Variants in TMEM163 observed in about 807,000 individuals in gnomAD.
TMEM163 encodes the protein transmembrane protein 163.
In TMEM163, 17 loss-of-function variants were observed where a neutral mutation model predicts 29.3. The observed-to-expected ratio is 0.58, with a 90% CI of 0.40 to 0.87. TMEM163 has a LOEUF of 0.87. Ranked by LOEUF, TMEM163 falls within the 40% of genes least tolerant of loss-of-function variation. The probability of loss-of-function intolerance (pLI) is 0.00; values close to 1 mark genes in which losing one functional copy is unlikely to be tolerated. For synonymous variants in TMEM163, 157 were observed against 160.6 expected, an observed-to-expected ratio of 0.98 and a Z score of 0.17; for missense variants, 303 against 381.5, an observed-to-expected ratio of 0.79 and a Z score of 1.71.
chr2:134,661,418 G>A (rs1223178342), intron 2 of TMEM163, among the ~76,000 whole-genome samples: 1 of 152,180 alleles, frequency 6.6e-6, no homozygotes, highest in Non-Finnish European at 1.5e-5. Flanking sequence ...ATTTGCAGGA[G>A]AACTTATATC....
At chr2:134,499,844 T>C (rs1024267936) in intron 5 of TMEM163, among the ~76,000 whole-genome samples, 1 of 152,132 alleles carries the variant, frequency 6.6e-6, no homozygotes, top group African/African-American at 2.4e-5. Flanking sequence ...CCCTAAACAC[T>C]GGTCTCCCTG....
intron 2 of TMEM163, among the ~76,000 whole-genome samples, chr2:134,570,467 TATATATACATATACATATACATATAC>T (rs1681394716): frequency 7.2e-6 from 1 of 139,592 alleles, no homozygotes; most frequent in Non-Finnish European, 1.5e-5. Flanking sequence ...CTACTACATA[TATATATACATATACATATACATATAC>T]ATATACATAT....
chr2:134,684,795 C>T (rs1209073789), intron 2 of TMEM163, among the ~76,000 whole-genome samples: 4 of 151,830 alleles, frequency 2.6e-5, no homozygotes, highest in African/African-American at 9.7e-5. Context: ...TGGTGGTGGG[C>T]ACCTGTAGTC....
intron 4 of TMEM163, among the ~76,000 whole-genome samples, chr2:134,547,938 C>T (rs1480772043): frequency 1.3e-5 from 2 of 152,292 alleles, no homozygotes; most frequent in South Asian, 2.1e-4. Context: ...CAGATCCCAA[C>T]GCTATAGAAA....
intron 2 of TMEM163, among the ~76,000 whole-genome samples, chr2:134,678,374 G>A (rs1558988962): frequency 1.3e-5 from 2 of 152,334 alleles, no homozygotes; most frequent in East Asian, 1.9e-4. Flanking sequence ...GTGGAAACAC[G>A]TGAATCTGTT....
intron 5 of TMEM163, among the ~76,000 whole-genome samples, chr2:134,481,260 C>A (rs1679167773): frequency 6.6e-6 from 1 of 152,080 alleles, no homozygotes; most frequent in Non-Finnish European, 1.5e-5. Context: ...CTAAATGCTT[C>A]CCATCGACAC....
chr2:134,633,236 T>C (rs1299341996), intron 2 of TMEM163, among the ~76,000 whole-genome samples: 1 of 152,146 alleles, frequency 6.6e-6, no homozygotes, highest in Non-Finnish European at 1.5e-5. Flanking sequence ...GAGGCTATTA[T>C]ATTGGTCTAA....
At chr2:134,661,157 T>G (rs538218436) in intron 2 of TMEM163, among the ~76,000 whole-genome samples, 1 of 109,356 alleles carries the variant, frequency 9.1e-6, no homozygotes, top group East Asian at 2.0e-4. Flanking sequence ...ACACAGCTCT[T>G]GCTTGCTCTC....
At chr2:134,548,725 T>A (rs916107378) in intron 4 of TMEM163, among the ~76,000 whole-genome samples, 1 of 152,218 alleles carries the variant, frequency 6.6e-6, no homozygotes, top group African/African-American at 2.4e-5. Context: ...ATGAGATATA[T>A]TGGGGATGGA....
intron 5 of TMEM163, among the ~76,000 whole-genome samples, chr2:134,493,263 T>C (rs545514074): frequency 6.6e-6 from 1 of 152,040 alleles, no homozygotes; most frequent in Non-Finnish European, 1.5e-5. Flanking sequence ...CTGTCTGTGC[T>C]ATCTTGTCAT....
chr2:134,459,975 A>G (rs1686496652), intron 6 of TMEM163, among the ~76,000 whole-genome samples: 2 of 151,858 alleles, frequency 1.3e-5, no homozygotes, highest in Non-Finnish European at 2.9e-5. Flanking sequence ...CCTCCGCTGC[A>G]TGCTCCGTAG....
chr2:134,471,781 T>G (rs1361723378), intron 5 of TMEM163, among the ~76,000 whole-genome samples: 1 of 152,170 alleles, frequency 6.6e-6, no homozygotes, highest in Admixed American at 6.5e-5. Context: ...AGAGTGGGCG[T>G]CTGACAGATG....
intron 6 of TMEM163, among the ~76,000 whole-genome samples, chr2:134,465,106 C>T (rs1314217673): frequency 3.3e-5 from 5 of 151,198 alleles, no homozygotes; most frequent in Non-Finnish European, 7.4e-5. Context: ...AATCCCAGCA[C>T]TTTGGGAGGC....
intron 6 of TMEM163, among the ~76,000 whole-genome samples, chr2:134,462,609 A>G (rs1286222740): frequency 1.3e-5 from 2 of 152,226 alleles, no homozygotes; most frequent in Admixed American, 6.5e-5. Context: ...GTTCACAAGT[A>G]TGGTGGAAAT....
In TMEM163 at chr2:134,678,966, A is replaced by G. The variant is rs77525993; in HGVS notation, c.322+34234T>C. The stretch of plus-strand genomic sequence containing the variant: ...CACCAAGCAGAAAATCTCTTCCAAT[A>G]TCTACCTATGTGTATGAAAATAATG... On this transcript the variant is annotated intron_variant, in intron 2 of 7. Transcript: ENST00000281924. 3.0e-3 allele frequency among the ~76,000 whole-genome samples: 455 copies of G among 152,366 alleles called. 1 individual carries two copies. The highest frequency in any genetic ancestry group is 0.011 in the African/African-American group (441 of 41,582).
rs892271127 is a variant in TMEM163, at chr2:134,455,843, G to A, written c.*873C>T. 6.6e-6 allele frequency: 1 copy of A among 152,448 alleles called. No homozygotes were observed. Among genetic ancestry groups the A allele is most frequent in the Admixed American group, 6.5e-5 (1 of 15,268 alleles). 9.4% of individuals were successfully genotyped at this position (152,448 alleles called of 1,614,324 possible). ...GGTGTGAGAGGTACAGAACGGTGCG[G>A]GTTGGGGAACACTCTACAGAATCTA... On this transcript the variant is annotated 3_prime_UTR_variant, in exon 8 of 8. Transcript: ENST00000281924.
intron 4 of TMEM163, among the ~76,000 whole-genome samples, chr2:134,504,953 A>G (rs1679787406): frequency 6.6e-6 from 1 of 152,172 alleles, no homozygotes; most frequent in South Asian, 2.1e-4. Flanking sequence ...CTCCCAAAGC[A>G]CTTGCCTCCT....
chr2:134,650,075 C>T (rs1412659152), intron 2 of TMEM163, among the ~76,000 whole-genome samples: 3 of 143,520 alleles, frequency 2.1e-5, no homozygotes, highest in South Asian at 4.4e-4. Flanking sequence ...CCATGATATA[C>T]AATTGAGTGA....
chr2:134,658,825 C>T (rs969328818), intron 2 of TMEM163, among the ~76,000 whole-genome samples: 1 of 152,130 alleles, frequency 6.6e-6, no homozygotes, highest in African/African-American at 2.4e-5. Flanking sequence ...TCTTGATCAC[C>T]TGACCTCGTG....
Sources: gnomAD v4.1 joint callset for allele counts (sites outside exome capture counted in the v4.1 genomes callset) on GRCh38, gnomAD v4.1.1 for gene constraint, MANE v1.5 for transcripts, NCBI Gene and HGNC (gene_info 2026-07-23, HGNC 2026-07-21) for gene names.